Variants in SMARCA4 observed in about 807,000 individuals in gnomAD.
SMARCA4 encodes SWI/SNF-related matrix-associated actin-dependent regulator of chromatin subfamily A member 4.
SMARCA4 carries 31 observed loss-of-function variants against 193.9 expected under a neutral mutation model. The ratio of observed to expected loss-of-function variants is 0.16; its 90% CI spans 0.12 to 0.22. The LOEUF (loss-of-function observed/expected upper bound fraction) is 0.22. Among genes scored for constraint, SMARCA4 ranks in the 10% least tolerant of loss-of-function variants. SMARCA4 has a pLI of 1.00. For missense variants in SMARCA4, 1,148 were observed against 2,296.0 expected (o/e 0.50, Z 10.22); for synonymous variants, 942 against 933.1 (o/e 1.01, Z -0.17).
In SMARCA4 at chr19:11,018,846, G is replaced by A. The variant is rs1424275541; in HGVS notation, c.2439-111G>A. On this transcript the variant is annotated intron_variant, in intron 16 of 34. Transcript: ENST00000344626. ...CTAAACACAGTTTCTCTGCCCACTC[G>A]GAGGGCTGTGGCCATGTTGGCCTCG... The A allele has an allele frequency of 9.2e-6, 8 of 867,082 alleles. No individual in the cohort carries two copies. In the East Asian group the frequency reaches 9.6e-5, roughly 10 times the overall value. The allele number at this position is 867,082 out of a possible 1,614,324, so 53.7% of individuals were successfully genotyped here.
intron 14 of SMARCA4, among the ~76,000 whole-genome samples, chr19:11,008,675 G>A (rs936781658): frequency 6.6e-6 from 1 of 152,138 alleles, no homozygotes; most frequent in Non-Finnish European, 1.5e-5. Flanking sequence ...AATAGATCCT[G>A]TTAAAAAGCA....
At chr19:10,963,525 G>C (rs2145397055) in intron 1 of SMARCA4, among the ~76,000 whole-genome samples, 1 of 152,216 alleles carries the variant, frequency 6.6e-6, no homozygotes, top group South Asian at 2.1e-4. Flanking sequence ...AAAGTGTGGG[G>C]TGGTGGTTAG....
chr19:11,007,378 C>A (rs902681628), intron 13 of SMARCA4, among the ~76,000 whole-genome samples: 36 of 146,906 alleles, frequency 2.5e-4, no homozygotes, highest in African/African-American at 9.2e-4. Context: ...TGCACTGCGC[C>A]GAGATCACGC....
chr19:11,006,608 C>T (rs982214737), intron 13 of SMARCA4, among the ~76,000 whole-genome samples: 1 of 151,762 alleles, frequency 6.6e-6, no homozygotes, highest in African/African-American at 2.4e-5. Context: ...AAAAATTAGC[C>T]GGGGTGATGG....
chr19:10,987,744 C>T lies in SMARCA4; in HGVS notation c.938C>T (p.Pro313Leu), dbSNP rs752581107. The part of the protein sequence containing the change: ...IPPQPTGRPS[P>L]APPAVPPAAS... ...CCGCAGCCAACGGGCCGCCCTTCCCCCGCGCCCCCTGCCGTCCCACCCGCC... is the reference window on the plus strand; with the variant it reads ...CCGCAGCCAACGGGCCGCCCTTCCCTCGCGCCCCCTGCCGTCCCACCCGCC... The change falls in exon 6 of 35, where the codon CCC becomes CTC. Residue 313 changes from proline (P) to leucine (L), a missense_variant. Physicochemically the swap from Pro to Leu is moderately conservative, Grantham distance 98. Transcript: ENST00000344626. This position sits in a 1 kb window ranked among gnomAD's most constrained non-coding sequence, Gnocchi z 5.3. The T allele has an allele frequency of 1.2e-6, 2 of 1,602,676 alleles. No homozygotes were observed. The highest frequency in any genetic ancestry group is 1.1e-5 in the South Asian group (1 of 90,068).
Position 11,062,001 on chromosome 19 carries a change from C to A in SMARCA4, c.*185C>A. The A allele has an allele frequency of 1.5e-6, 1 of 646,652 alleles. No individual in the cohort carries two copies. Among genetic ancestry groups the A allele is most frequent in the Non-Finnish European group, 2.8e-6 (1 of 355,292 alleles). 40.1% of individuals were successfully genotyped at this position (646,652 alleles called of 1,614,324 possible). The stretch of plus-strand genomic sequence containing the variant: ...CTGTTTGTGACTGGCCCTGTCCTGG[C>A]ATCAGTAGCATCTGTAACAGCATTA... On this transcript the variant is annotated 3_prime_UTR_variant, in exon 35 of 35. Coordinates refer to ENST00000344626, the MANE Select transcript of SMARCA4 (RefSeq NM_003072.5).
chr19:11,009,687 CTTT>C (rs1275036196), intron 14 of SMARCA4, among the ~76,000 whole-genome samples: 7 of 126,348 alleles, frequency 5.5e-5, no homozygotes, highest in Non-Finnish European at 1.7e-5. Context: ...GCCCGGCTAA[CTTT>C]TTTTTTTTTT....
At position 11,041,788 on chromosome 19, in the gene SMARCA4, C is replaced by T. The variant is rs1037543655; in HGVS notation, c.4424+228C>T. Among the ~76,000 whole-genome samples, 5 of 151,780 alleles carry T rather than the reference C, an allele frequency of 3.3e-5. No homozygotes were observed. The East Asian group carries it at 7.7e-4, about 23-fold the overall frequency. ...GATGAGAGGGAATGTCACATGTGGT[C>T]GAGAGGAGAGGCAGGGGTGCGGGTC... On this transcript the variant is annotated intron_variant, in intron 30 of 34. Coordinates refer to ENST00000344626, the MANE Select transcript of SMARCA4 (RefSeq NM_003072.5). The surrounding 1 kb of genome is among the most constrained non-coding windows in gnomAD (Gnocchi z 5.6).
intron 30 of SMARCA4, among the ~76,000 whole-genome samples, chr19:11,054,550 T>A (rs1302879669): frequency 6.6e-6 from 1 of 152,148 alleles, no homozygotes. Flanking sequence ...TCCCAGCACT[T>A]TTGGGAGGCC....
chr19:11,061,335 G>C (rs1039410313), intron 34 of SMARCA4, among the ~76,000 whole-genome samples: 2 of 151,082 alleles, frequency 1.3e-5, no homozygotes, highest in Non-Finnish European at 2.9e-5. Flanking sequence ...ACATGGGACA[G>C]AGCAGGGAAG....
chr19:10,986,841 G>A lies in SMARCA4; in HGVS notation c.761-64G>A, dbSNP rs1400530347. On this transcript the variant is annotated intron_variant, in intron 4 of 34. Coordinates refer to ENST00000344626, the MANE Select transcript of SMARCA4 (RefSeq NM_003072.5). This position sits in a 1 kb window ranked among gnomAD's most constrained non-coding sequence, Gnocchi z 6.7. ...GTCCCCTGGAGCCAGGGCTGCCCAC[G>A]GGGCTGGGCGCAGGCATAAACCTGG... 7 of 1,430,208 alleles carry A rather than the reference G, an allele frequency of 4.9e-6. No individual in the cohort carries two copies. The highest frequency in any genetic ancestry group is 2.3e-5 in the East Asian group (1 of 43,988). The allele number at this position is 1,430,208 out of a possible 1,614,324, so 88.6% of individuals were successfully genotyped here.
At chr19:11,056,819 A>G (rs7245660) in intron 30 of SMARCA4, among the ~76,000 whole-genome samples, 14,360 of 152,234 alleles carry the variant, frequency 0.094, 1,241 homozygotes, top group African/African-American at 0.23. Context: ...CCTGGAGGCA[A>G]GCCTGGCCCG....
At chr19:10,995,848 T>A (rs770749688) in intron 9 of SMARCA4, 3 of 380,454 alleles carry the variant, frequency 7.9e-6, no homozygotes, top group Non-Finnish European at 1.5e-5. Context: ...TGATCTGATG[T>A]ATTCTTAGAA....
intron 11 of SMARCA4, among the ~76,000 whole-genome samples, chr19:11,002,096 A>G (rs770187241): frequency 2.0e-5 from 3 of 152,352 alleles, no homozygotes; most frequent in South Asian, 2.1e-4. Context: ...TTTCTTATCC[A>G]TGGAATTGAT....
At chr19:10,973,401 G>T (rs1008715759) in intron 1 of SMARCA4, among the ~76,000 whole-genome samples, 18 of 151,568 alleles carry the variant, frequency 1.2e-4, no homozygotes, top group African/African-American at 4.4e-4. Flanking sequence ...GCTCTTAAGC[G>T]GTTTTCTTTT....
intron 24 of SMARCA4, among the ~76,000 whole-genome samples, chr19:11,029,208 T>G (rs1261018687): frequency 1.3e-5 from 2 of 152,150 alleles, no homozygotes; most frequent in African/African-American, 4.8e-5. Flanking sequence ...CCCCACCCTT[T>G]CCTCTCCTAC....
In SMARCA4 at chr19:10,984,008, A is replaced by G. The variant is rs754787200; in HGVS notation, c.-31-113A>G. 62 of 777,534 alleles carry G rather than the reference A, an allele frequency of 8.0e-5. No individual in the cohort carries two copies. Among genetic ancestry groups the G allele is most frequent in the Non-Finnish European group, 1.2e-4 (52 of 451,924 alleles). 48.2% of individuals were successfully genotyped at this position (777,534 alleles called of 1,614,324 possible). On this transcript the variant is annotated intron_variant, in intron 1 of 34. Coordinates refer to ENST00000344626, the MANE Select transcript of SMARCA4 (RefSeq NM_003072.5). The surrounding 1 kb of genome is among the most constrained non-coding windows in gnomAD (Gnocchi z 4.3). ...GGTTTGGGTGGCTGGTGGGGAAGGT[A>G]CTGGCTTCCTGTGGGATGTAGATTC...
chr19:10,966,962 G>A (rs2084273807), intron 1 of SMARCA4, among the ~76,000 whole-genome samples: 1 of 152,142 alleles, frequency 6.6e-6, no homozygotes, highest in Non-Finnish European at 1.5e-5. Flanking sequence ...GTATGAGAGG[G>A]AACAGGTCAG....
chr19:11,014,011 G>A (rs149353147), intron 16 of SMARCA4, among the ~76,000 whole-genome samples: 26 of 152,254 alleles, frequency 1.7e-4, no homozygotes, highest in African/African-American at 5.5e-4. Flanking sequence ...CCCCAGGGCC[G>A]GCTCTTACTG....
Sources: allele counts gnomAD v4.1 joint callset (sites outside exome capture counted in the v4.1 genomes callset), GRCh38; gene constraint gnomAD v4.1.1; non-coding constraint Gnocchi (gnomAD v3.1); transcripts MANE v1.5; gene names NCBI Gene and HGNC (gene_info 2026-07-23, HGNC 2026-07-21).